Variants in TBC1D1 observed in about 807,000 individuals in gnomAD.
TBC1D1 encodes TBC1 (tre-2/USP6, BUB2, cdc16) domain family, member 1.
A neutral mutation model predicts 125.6 loss-of-function variants in TBC1D1; 89 were observed. The observed-to-expected ratio is 0.71, with a 90% confidence interval of 0.60 to 0.85. The LOEUF (loss-of-function observed/expected upper bound fraction) is 0.85. Ranked by LOEUF, TBC1D1 falls within the 40% of genes least tolerant of loss-of-function variation. The pLI, the probability that TBC1D1 is intolerant of heterozygous loss-of-function variation, is 0.00. For missense variants in TBC1D1, 1,377 were observed against 1,469.2 expected, an observed-to-expected ratio of 0.94 and a Z score of 1.03; for synonymous variants, 565 against 564.1, an observed-to-expected ratio of 1.00 and a Z score of -0.02.
intron 1 of TBC1D1, among the ~76,000 whole-genome samples, chr4:37,900,469 C>T (rs1265325732): frequency 6.6e-6 from 1 of 151,696 alleles, no homozygotes; most frequent in African/African-American, 2.4e-5. Context: ...TATTGAGCCC[C>T]TCAGTTATTC....
intron 2 of TBC1D1, among the ~76,000 whole-genome samples, chr4:37,985,196 G>A (rs536390408): frequency 2.0e-5 from 3 of 152,148 alleles, no homozygotes; most frequent in South Asian, 2.1e-4. Flanking sequence ...CTTGTGATCC[G>A]CCTGCCTCAG....
chr4:37,935,194 T>C (rs16994082), intron 2 of TBC1D1, among the ~76,000 whole-genome samples: 2,107 of 152,258 alleles, frequency 0.014, 52 homozygotes, highest in African/African-American at 0.049. Flanking sequence ...CGCCACATGA[T>C]TGCACTTGCT....
intron 1 of TBC1D1, among the ~76,000 whole-genome samples, chr4:37,897,456 C>G (rs1334932341): frequency 6.6e-6 from 1 of 152,124 alleles, no homozygotes; most frequent in Non-Finnish European, 1.5e-5. Context: ...ATGAACAGTG[C>G]TAAGGTCTAA....
intron 2 of TBC1D1, among the ~76,000 whole-genome samples, chr4:38,003,080 C>T (rs1158374446): frequency 6.6e-6 from 1 of 152,170 alleles, no homozygotes; most frequent in Non-Finnish European, 1.5e-5. Flanking sequence ...TCTTTGTTTC[C>T]ATCTTACAAT....
At chr4:37,922,256 G>A (rs750927042) in intron 2 of TBC1D1, among the ~76,000 whole-genome samples, 1 of 152,124 alleles carries the variant, frequency 6.6e-6, no homozygotes, top group Non-Finnish European at 1.5e-5. Context: ...TAGGATGGAG[G>A]CCCAGACATA....
At chr4:37,967,970 T>C (rs1731369251) in intron 2 of TBC1D1, among the ~76,000 whole-genome samples, 1 of 152,232 alleles carries the variant, frequency 6.6e-6, no homozygotes, top group Non-Finnish European at 1.5e-5. Context: ...GATTATTTGC[T>C]TAAACTTTAT....
At chr4:38,008,290 C>T (rs1291335521) in intron 2 of TBC1D1, among the ~76,000 whole-genome samples, 1 of 152,238 alleles carries the variant, frequency 6.6e-6, no homozygotes, top group Admixed American at 6.5e-5. Context: ...TCCTCCCACC[C>T]TCTTTTAGCT....
chr4:37,985,778 G>A (rs1163486474), intron 2 of TBC1D1, among the ~76,000 whole-genome samples: 2 of 152,194 alleles, frequency 1.3e-5, no homozygotes, highest in African/African-American at 4.8e-5. Context: ...ATAGCTTGCA[G>A]TCTAATGGGG....
In TBC1D1 at chr4:38,044,361, G is replaced by C; in HGVS notation, c.1414-1G>C. ...TGACTTTTCGTTTTTCACTTTTTTA[G>C]ACATCGCAGATGGCAGCAGAGAATA... On this transcript the variant is annotated splice_acceptor_variant, in intron 8 of 19. Transcript: ENST00000261439. LOFTEE classifies it high-confidence loss of function. 1.3e-6 allele frequency: 2 copies of C among 1,596,386 alleles called. No individual in the cohort carries two copies. Among genetic ancestry groups the C allele is most frequent in the South Asian group, 2.3e-5 (2 of 87,192 alleles).
chr4:37,907,209 A>C (rs1466648780), intron 2 of TBC1D1, among the ~76,000 whole-genome samples: 1 of 152,240 alleles, frequency 6.6e-6, no homozygotes, highest in Non-Finnish European at 1.5e-5. Flanking sequence ...ACTGCTACAT[A>C]GTAGGAAAAT....
rs905304167 is a variant in TBC1D1 at position 37,891,169 on chromosome 4, C to G, written c.-273C>G. 1.3e-5 allele frequency: 2 copies of G among 153,928 alleles called. No homozygotes were observed. The highest frequency in any genetic ancestry group is 2.9e-5 in the Non-Finnish European group (2 of 69,156). 9.5% of individuals were successfully genotyped at this position (153,928 alleles called of 1,614,324 possible). A position where few individuals can be genotyped will look rare whatever the true frequency, so the allele number is the denominator to read the frequency against. ...GCCGCGGGACCTGCTGTGTCCTCAG[C>G]TGGGTGGAGAAGAGGCGGGCGCCGA... On this transcript the variant is annotated 5_prime_UTR_variant, in exon 1 of 20. Coordinates refer to ENST00000261439, the MANE Select transcript of TBC1D1 (RefSeq NM_015173.4).
At chr4:37,958,795 C>T (rs1729395147) in intron 2 of TBC1D1, among the ~76,000 whole-genome samples, 1 of 152,160 alleles carries the variant, frequency 6.6e-6, no homozygotes, top group Non-Finnish European at 1.5e-5. Flanking sequence ...GGATTACAGA[C>T]AGGTGGCCTG....
At chr4:37,968,660 C>T (rs746167798) in intron 2 of TBC1D1, among the ~76,000 whole-genome samples, 11 of 152,174 alleles carry the variant, frequency 7.2e-5, no homozygotes, top group Non-Finnish European at 1.3e-4. Flanking sequence ...TATTGAGCAC[C>T]GTTTGCTCTG....
intron 2 of TBC1D1, among the ~76,000 whole-genome samples, chr4:38,003,447 C>A (rs1739455547): frequency 6.6e-6 from 1 of 152,084 alleles, no homozygotes; most frequent in African/African-American, 2.4e-5. Flanking sequence ...GAAATTTGGT[C>A]AAAGGTTTGA....
At chr4:38,086,250 G>C (rs1302707301) in intron 12 of TBC1D1, among the ~76,000 whole-genome samples, 1 of 152,222 alleles carries the variant, frequency 6.6e-6, no homozygotes, top group Non-Finnish European at 1.5e-5. Context: ...GAGACGAAAT[G>C]GTGAGATTTT....
Position 38,003,569 on chromosome 4 carries a change from A to G in TBC1D1, c.418-10940A>G, listed in dbSNP as rs187648366. ...AAGCTTGTTGCCTCTAGGTACTGAT[A>G]TTTTAATAAAGTTGGCAGTCAGATG... On this transcript the variant is annotated intron_variant, in intron 2 of 19. Coordinates refer to ENST00000261439, the MANE Select transcript of TBC1D1 (RefSeq NM_015173.4). Among the ~76,000 whole-genome samples, 8 of 152,252 alleles carry G rather than the reference A, an allele frequency of 5.3e-5. No homozygotes were observed. In the East Asian group the frequency reaches 1.5e-3, roughly 29 times the overall value.
chr4:38,095,063 A>G (rs917182555), intron 13 of TBC1D1, among the ~76,000 whole-genome samples: 1 of 152,182 alleles, frequency 6.6e-6, no homozygotes, highest in Non-Finnish European at 1.5e-5. Context: ...TAAAAAATCT[A>G]GGGTTGACAT....
At chr4:38,119,268 C>T (rs1763471869) in intron 17 of TBC1D1, among the ~76,000 whole-genome samples, 1 of 152,064 alleles carries the variant, frequency 6.6e-6, no homozygotes, top group African/African-American at 2.4e-5. Context: ...CTAAAATTTG[C>T]TTTTTAATAT....
intron 6 of TBC1D1, 48 bp downstream of exon 6, chr4:38,021,766 C>T (rs760738902): frequency 1.4e-6 from 2 of 1,443,968 alleles, no homozygotes; most frequent in South Asian, 3.0e-5. Context: ...AGTTAAAGGT[C>T]CCAGGAGAAC....
Sources: gnomAD v4.1 joint callset for allele counts (sites outside exome capture counted in the v4.1 genomes callset) on GRCh38, gnomAD v4.1.1 for gene constraint, MANE v1.5 for transcripts, NCBI Gene and HGNC (gene_info 2026-07-23, HGNC 2026-07-21) for gene names.